Variants in REV1 observed in about 807,000 individuals in gnomAD.
The protein encoded by REV1 is translesion synthesis protein REV1.
In REV1, 42 loss-of-function variants were observed where a neutral mutation model predicts 137.4. That is an observed-to-expected ratio of 0.31 (90% CI 0.24 to 0.40). REV1 has a LOEUF of 0.40. REV1 is among the 10% of genes least tolerant of loss of function. The pLI is 1.00. For missense variants in REV1, 1,282 were observed against 1,490.1 expected (o/e 0.86, Z 2.30); for synonymous variants, 524 against 519.2 (o/e 1.01, Z -0.12).
intron 5 of REV1, among the ~76,000 whole-genome samples, chr2:99,440,472 C>T (rs1017798035): frequency 6.6e-6 from 1 of 152,198 alleles, no homozygotes; most frequent in Non-Finnish European, 1.5e-5. Flanking sequence ...GTCCCACAAG[C>T]TGGATGATCA....
At chr2:99,420,599 G>C (rs28382930) in intron 11 of REV1, among the ~76,000 whole-genome samples, 2 of 152,090 alleles carry the variant, frequency 1.3e-5, no homozygotes, top group Admixed American at 1.3e-4. Context: ...TGTGTAGCAC[G>C]GTGTGCCCCT....
intron 3 of REV1, among the ~76,000 whole-genome samples, chr2:99,453,189 T>C (rs1479903058): frequency 6.6e-6 from 1 of 151,878 alleles, no homozygotes; most frequent in Non-Finnish European, 1.5e-5. Context: ...TGAAACCCCG[T>C]CTCTACTAAA....
intron 2 of REV1, 69 bp from the exon 3 acceptor site, chr2:99,462,691 A>G (rs920454227): frequency 2.0e-6 from 3 of 1,509,788 alleles, no homozygotes; most frequent in Non-Finnish European, 2.7e-6. Flanking sequence ...GAAAAAAAAA[A>G]ATTTTAAAAA....
At chr2:99,474,440 A>G (rs902868759) in intron 1 of REV1, among the ~76,000 whole-genome samples, 1 of 152,256 alleles carries the variant, frequency 6.6e-6, no homozygotes, top group African/African-American at 2.4e-5. Flanking sequence ...AAAAGTTAAG[A>G]ATACTCCTAT....
chr2:99,433,633 T>C (rs535332897), intron 8 of REV1, among the ~76,000 whole-genome samples: 1 of 152,330 alleles, frequency 6.6e-6, no homozygotes, highest in Admixed American at 6.5e-5. Context: ...TTCTGACTAC[T>C]TTCTGGGTAA....
chr2:99,458,303 A>C (rs1683758186), intron 3 of REV1, among the ~76,000 whole-genome samples: 1 of 152,236 alleles, frequency 6.6e-6, no homozygotes, highest in South Asian at 2.1e-4. Context: ...ATGTTTCACC[A>C]ATGATGATGT....
intron 3 of REV1, among the ~76,000 whole-genome samples, chr2:99,453,463 C>T (rs932677764): frequency 6.6e-6 from 1 of 152,178 alleles, no homozygotes; most frequent in Non-Finnish European, 1.5e-5. Context: ...AGAGCTAAAG[C>T]TGCTCTCTAT....
intron 1 of REV1, among the ~76,000 whole-genome samples, chr2:99,470,757 A>T (rs1022055994): frequency 1.1e-4 from 16 of 152,186 alleles, no homozygotes; most frequent in Non-Finnish European, 1.3e-4. Flanking sequence ...GTTCCAGCCA[A>T]TGGAAACCGG....
intron 1 of REV1, among the ~76,000 whole-genome samples, chr2:99,478,071 A>G (rs1209084940): frequency 3.9e-5 from 6 of 152,142 alleles, no homozygotes; most frequent in Admixed American, 2.6e-4. Context: ...CATCTTTATA[A>G]AAATACAAAA....
chr2:99,466,151 C>T (rs1206808100), intron 1 of REV1, among the ~76,000 whole-genome samples: 2 of 152,132 alleles, frequency 1.3e-5, no homozygotes, highest in African/African-American at 4.8e-5. Context: ...CGGCGTTTCA[C>T]CATGTGAGCC....
chr2:99,408,168 C>G (rs757211236), intron 14 of REV1, 37 bp from the exon 15 acceptor site: 1 of 1,268,612 alleles, frequency 7.9e-7, no homozygotes, highest in Admixed American at 1.9e-5. Flanking sequence ...AAGCTTCATT[C>G]CATATGTATT....
At chr2:99,435,707 G>A (rs1680658593) in intron 7 of REV1, 127 bp downstream of exon 7, 1 of 558,390 alleles carries the variant, frequency 1.8e-6, no homozygotes, top group Admixed American at 3.7e-5. Flanking sequence ...ATCGAATATA[G>A]AAAATTTGGA....
At chr2:99,413,361 T>C (rs1677446808) in intron 12 of REV1, among the ~76,000 whole-genome samples, 1 of 152,232 alleles carries the variant, frequency 6.6e-6, no homozygotes, top group Non-Finnish European at 1.5e-5. Context: ...AAGGGATCTA[T>C]TATGATTTCG....
At chr2:99,441,320 G>A (rs549275643) in intron 5 of REV1, among the ~76,000 whole-genome samples, 5 of 151,276 alleles carry the variant, frequency 3.3e-5, no homozygotes, top group South Asian at 2.1e-4. Context: ...TGGTGTTTTC[G>A]AAAAAAAATA....
Position 99,438,858 on chromosome 2 carries a change from C to G in REV1, c.956G>C (p.Gly319Ala). 2 of 1,614,166 alleles carry G rather than the reference C, an allele frequency of 1.2e-6. No individual in the cohort carries two copies. The highest frequency in any genetic ancestry group is 1.7e-6 in the Non-Finnish European group (2 of 1,180,018). ...AGAAGTGCTTTTTGTGCTTGAAGGC[C>G]CCTGAACAGTGGAGTGGTGAGCACC... ...INGAHHSTVQGPSSTKSTSSV... is the reference protein window; with the variant it reads ...INGAHHSTVQAPSSTKSTSSV... Residue 319 changes from glycine (G) to alanine (A), a missense_variant, in exon 6 of 23, where the codon GGG becomes GCG. Coordinates refer to ENST00000258428, the MANE Select transcript of REV1 (RefSeq NM_016316.4).
At chr2:99,432,128 A>G (rs1384145216) in intron 8 of REV1, among the ~76,000 whole-genome samples, 1 of 152,180 alleles carries the variant, frequency 6.6e-6, no homozygotes, top group East Asian at 1.9e-4. Flanking sequence ...GAGATCATCA[A>G]TGAGAAGTGT....
intron 1 of REV1, among the ~76,000 whole-genome samples, chr2:99,476,651 T>C (rs887553574): frequency 1.3e-5 from 2 of 152,166 alleles, no homozygotes; most frequent in African/African-American, 4.8e-5. Flanking sequence ...CACTGTGATT[T>C]AAGGTGAAGG....
intron 1 of REV1, among the ~76,000 whole-genome samples, chr2:99,467,395 A>G (rs942206899): frequency 4.6e-5 from 7 of 152,266 alleles, no homozygotes; most frequent in Non-Finnish European, 8.8e-5. Flanking sequence ...GTCATTTCCA[A>G]TAACTTGACT....
At chr2:99,469,649 C>A (rs1410955844) in intron 1 of REV1, among the ~76,000 whole-genome samples, 1 of 152,168 alleles carries the variant, frequency 6.6e-6, no homozygotes, top group Non-Finnish European at 1.5e-5. Context: ...AAAACTCTAT[C>A]AAGAGTCTCA....
Sources: gnomAD v4.1 joint callset for allele counts (sites outside exome capture counted in the v4.1 genomes callset) on GRCh38, gnomAD v4.1.1 for gene constraint, MANE v1.5 for transcripts, NCBI Gene and HGNC (gene_info 2026-07-23, HGNC 2026-07-21) for gene names.